The following AZIN1 variants were observed in gnomAD, a reference collection of about 807,000 sequenced individuals.
AZIN1 encodes the protein antizyme inhibitor 1.
A neutral mutation model predicts 47.4 loss-of-function variants in AZIN1; 12 were observed. That is an observed-to-expected ratio of 0.25 (90% CI 0.16 to 0.41). AZIN1 has a LOEUF of 0.41. AZIN1 is among the 10% of genes least tolerant of loss of function. The pLI is 1.00. For missense variants in AZIN1, 410 were observed against 532.4 expected (o/e 0.77, Z 2.26); for synonymous variants, 155 against 176.3 (o/e 0.88, Z 0.96).
intron 3 of AZIN1, among the ~76,000 whole-genome samples, chr8:102,842,690 G>A (rs1310677169): frequency 2.8e-5 from 4 of 144,752 alleles, no homozygotes; most frequent in Admixed American, 1.4e-4. Context: ...CTGGGATACA[G>A]AGGGAGACTC....
At chr8:102,855,133 C>A (rs1813199993) in intron 2 of AZIN1, among the ~76,000 whole-genome samples, 2 of 152,170 alleles carry the variant, frequency 1.3e-5, no homozygotes, top group East Asian at 1.9e-4. Flanking sequence ...CGGCTCACTG[C>A]AGCCTCCGCC....
intron 11 of AZIN1, among the ~76,000 whole-genome samples, 196 bp downstream of exon 11, chr8:102,829,076 G>A (rs1811276801): frequency 6.6e-6 from 1 of 152,210 alleles, no homozygotes; most frequent in Non-Finnish European, 1.5e-5. Context: ...CCTAGATTAT[G>A]TAGTAGGTTA....
intron 5 of AZIN1, among the ~76,000 whole-genome samples, chr8:102,837,076 G>A (rs1811869764): frequency 2.0e-5 from 3 of 151,920 alleles, no homozygotes; most frequent in South Asian, 4.1e-4. Flanking sequence ...GCACCACCAC[G>A]CCCAGCTAAT....
chr8:102,848,878 G>A (rs1056303123), intron 2 of AZIN1, among the ~76,000 whole-genome samples: 2 of 152,126 alleles, frequency 1.3e-5, no homozygotes, highest in African/African-American at 4.8e-5. Context: ...AAAGTTAATT[G>A]GCGACAATAT....
chr8:102,854,853 C>A (rs533352475), intron 2 of AZIN1, among the ~76,000 whole-genome samples: 265 of 151,624 alleles, frequency 1.7e-3, no homozygotes, highest in Non-Finnish European at 2.7e-3. Flanking sequence ...AACTGAATCC[C>A]TTTTCCATAC....
intron 2 of AZIN1, among the ~76,000 whole-genome samples, chr8:102,852,061 G>A (rs1461660666): frequency 1.3e-5 from 2 of 152,128 alleles, no homozygotes; most frequent in Non-Finnish European, 2.9e-5. Flanking sequence ...CTCTCATTAG[G>A]AGTATTATTT....
intron 2 of AZIN1, among the ~76,000 whole-genome samples, chr8:102,844,344 TAAA>T (rs34491786): frequency 6.9e-5 from 10 of 144,274 alleles, no homozygotes; most frequent in Admixed American, 3.4e-4. Flanking sequence ...CCGTCTCTCC[TAAA>T]AAAAAAAAAA....
Position 102,854,931 on chromosome 8 carries a change from C to T in AZIN1, c.-96+3082G>A, listed in dbSNP as rs547315473. On this transcript the variant is annotated intron_variant, in intron 2 of 11. Coordinates refer to ENST00000337198, the MANE Select transcript of AZIN1 (RefSeq NM_148174.4). ...CACTGGATCCACTATGAGAAGCAAA[C>T]TTAGCTTTTTAAGTTTTAAAATATT... Among the ~76,000 whole-genome samples, 411 of 152,214 alleles carry T rather than the reference C, an allele frequency of 2.7e-3. 2 individuals carry two copies. Among genetic ancestry groups the T allele is most frequent in the Admixed American group, 7.5e-3 (114 of 15,290 alleles).
chr8:102,828,885 A>T (rs1308639128), intron 11 of AZIN1, among the ~76,000 whole-genome samples: 1 of 152,236 alleles, frequency 6.6e-6, no homozygotes, highest in East Asian at 1.9e-4. Context: ...AATTACAGTG[A>T]AGTTTAAAAA....
At chr8:102,832,989 CT>C in intron 9 of AZIN1, 66 bp downstream of exon 9, 1 of 1,379,346 alleles carries the variant, frequency 7.2e-7, no homozygotes, top group Non-Finnish European at 1.0e-6. Flanking sequence ...TCATGACCAT[CT>C]GCTCATTTCC....
At chr8:102,855,921 A>G (rs971636163) in intron 2 of AZIN1, 7 of 152,180 alleles carry the variant, frequency 4.6e-5, no homozygotes, top group Non-Finnish European at 8.8e-5. Flanking sequence ...ATTTTGAACC[A>G]TAATGTAGTA....
At chr8:102,858,582 A>T (rs1314683657) in intron 1 of AZIN1, among the ~76,000 whole-genome samples, 1 of 152,202 alleles carries the variant, frequency 6.6e-6, no homozygotes, top group Admixed American at 6.5e-5. Context: ...AATAGTTTGG[A>T]ACCACCCAGA....
At chr8:102,830,416 A>G (rs1464427172) in intron 9 of AZIN1, among the ~76,000 whole-genome samples, 19 of 151,652 alleles carry the variant, frequency 1.3e-4, no homozygotes, top group Admixed American at 1.2e-3. Flanking sequence ...AAAAAAAAAA[A>G]AAAAGAAAAA....
In AZIN1 at chr8:102,828,557, T is replaced by C; in HGVS notation, c.*10A>G. 6.3e-7 allele frequency: 1 copy of C among 1,579,366 alleles called. No individual in the cohort carries two copies. The highest frequency in any genetic ancestry group is 8.7e-7 in the Non-Finnish European group (1 of 1,151,414). On this transcript the variant is annotated 3_prime_UTR_variant, in exon 12 of 12. Coordinates refer to ENST00000337198, the MANE Select transcript of AZIN1 (RefSeq NM_148174.4). ...TGCAACTTCAGATCTAAAGAAGCGT[T>C]AATGCCTGTTTAAGCTTCAGCGGAA...
chr8:102,828,326 C>T lies in AZIN1; in HGVS notation c.*241G>A, dbSNP rs763616540. 3.4e-5 allele frequency: 11 copies of T among 321,028 alleles called. No individual in the cohort carries two copies. Among genetic ancestry groups the T allele is most frequent in the South Asian group, 9.7e-5 (1 of 10,296 alleles). 19.9% of individuals were successfully genotyped at this position (321,028 alleles called of 1,614,324 possible). A position where few individuals can be genotyped will look rare whatever the true frequency, so the allele number is the denominator to read the frequency against. On this transcript the variant is annotated 3_prime_UTR_variant, in exon 12 of 12. Coordinates refer to ENST00000337198, the MANE Select transcript of AZIN1 (RefSeq NM_148174.4). Reference sequence around the variant, plus strand: ...ATTTTGTTGCATATTTTATTTTAAACGCTTAAGGGGTAGGACAAACTGGTA... The same window carrying T: ...ATTTTGTTGCATATTTTATTTTAAATGCTTAAGGGGTAGGACAAACTGGTA...
intron 2 of AZIN1, among the ~76,000 whole-genome samples, chr8:102,844,228 C>T (rs924499265): frequency 6.6e-6 from 1 of 152,072 alleles, no homozygotes; most frequent in Admixed American, 6.6e-5. Context: ...AAGTCCTGGC[C>T]GGGCATGGTG....
intron 1 of AZIN1, chr8:102,859,183 G>GAACTCCTA (rs1449988578): frequency 6.6e-6 from 1 of 152,150 alleles, no homozygotes; most frequent in Non-Finnish European, 1.5e-5. Flanking sequence ...GATGAGGAAA[G>GAACTCCTA]AACTCCTACA....
At chr8:102,831,224 C>G (rs902577169) in intron 9 of AZIN1, among the ~76,000 whole-genome samples, 11 of 151,770 alleles carry the variant, frequency 7.2e-5, no homozygotes, top group African/African-American at 2.7e-4. Context: ...TTATATAAAC[C>G]TATTGAATAA....
intron 1 of AZIN1, among the ~76,000 whole-genome samples, chr8:102,859,538 G>A (rs1813497267): frequency 6.6e-6 from 1 of 151,676 alleles, no homozygotes; most frequent in Non-Finnish European, 1.5e-5. Context: ...AGTAGGGAAT[G>A]AAGGCTCTAG....
Sources: gnomAD v4.1 joint callset for allele counts (sites outside exome capture counted in the v4.1 genomes callset) on GRCh38, gnomAD v4.1.1 for gene constraint, MANE v1.5 for transcripts, NCBI Gene and HGNC (gene_info 2026-07-23, HGNC 2026-07-21) for gene names.